Variants in FUT9 observed in about 807,000 individuals in gnomAD.
The protein encoded by FUT9 is 4-galactosyl-N-acetylglucosaminide 3-alpha-L-fucosyltransferase 9.
In FUT9, 15 loss-of-function variants were observed where a neutral mutation model predicts 29.7. The ratio of observed to expected loss-of-function variants is 0.51; its 90% CI spans 0.34 to 0.78. The LOEUF (loss-of-function observed/expected upper bound fraction) is 0.78. Ranked by LOEUF, FUT9 falls within the 30% of genes least tolerant of loss-of-function variation. The pLI is 0.01. For missense variants in FUT9, 319 were observed against 425.4 expected (o/e 0.75, Z 2.20); for synonymous variants, 169 against 153.7 (o/e 1.10, Z -0.74).
intron 1 of FUT9, among the ~76,000 whole-genome samples, chr6:96,094,764 A>G (rs960101288): frequency 2.0e-5 from 3 of 152,298 alleles, no homozygotes; most frequent in South Asian, 2.1e-4. Context: ...TCCAGGCTAG[A>G]GGGAACTACA....
At chr6:96,022,767 A>C (rs1770096506) in intron 1 of FUT9, among the ~76,000 whole-genome samples, 2 of 151,918 alleles carry the variant, frequency 1.3e-5, no homozygotes, top group South Asian at 4.1e-4. Context: ...AAAATGAAAT[A>C]GTATGCCAGA....
At position 96,045,930 on chromosome 6, in the gene FUT9, T is replaced by A. The variant is rs148860164; in HGVS notation, c.-98+29718T>A. Among the ~76,000 whole-genome samples, 458 of 152,326 alleles carry A rather than the reference T, an allele frequency of 3.0e-3. 1 individual carries two copies. Among genetic ancestry groups the A allele is most frequent in the African/African-American group, 0.01 (428 of 41,574 alleles). ...GAACCTCAAAGAGGCCACCCAGGTA[T>A]AAAATGCACCATGAGGTAGGGTATA... On this transcript the variant is annotated intron_variant, in intron 1 of 2. Transcript: ENST00000302103.
At chr6:96,183,755 G>T (rs908766636) in intron 2 of FUT9, among the ~76,000 whole-genome samples, 1 of 151,974 alleles carries the variant, frequency 6.6e-6, no homozygotes, top group African/African-American at 2.4e-5. Flanking sequence ...TTATTAACTT[G>T]CATATGTTAA....
At chr6:96,135,802 T>C (rs551215667) in intron 2 of FUT9, among the ~76,000 whole-genome samples, 149 of 151,938 alleles carry the variant, frequency 9.8e-4, no homozygotes, top group African/African-American at 3.4e-3. Context: ...TAGATCTTAT[T>C]ACATGTTCTT....
intron 1 of FUT9, among the ~76,000 whole-genome samples, chr6:96,066,713 CT>C (rs79773521): frequency 0.12 from 18,076 of 152,050 alleles, 1,276 homozygotes; most frequent in Admixed American, 0.23. Flanking sequence ...ACATAAAAAT[CT>C]TTGTATAACT....
chr6:96,116,309 T>A (rs1004170942), intron 2 of FUT9, among the ~76,000 whole-genome samples: 2 of 152,206 alleles, frequency 1.3e-5, no homozygotes, highest in Non-Finnish European at 2.9e-5. Flanking sequence ...CCACAGAGAC[T>A]GTCATTCATT....
At chr6:96,071,668 C>G (rs569070461) in intron 1 of FUT9, among the ~76,000 whole-genome samples, 1 of 152,164 alleles carries the variant, frequency 6.6e-6, no homozygotes, top group Non-Finnish European at 1.5e-5. Flanking sequence ...AACAAAGGAG[C>G]AAGACTCACG....
At chr6:96,165,154 G>A (rs536456712) in intron 2 of FUT9, among the ~76,000 whole-genome samples, 77 of 152,218 alleles carry the variant, frequency 5.1e-4, no homozygotes, top group African/African-American at 1.8e-3. Context: ...CTCACAGGCT[G>A]GGAGTGGTGG....
intron 2 of FUT9, among the ~76,000 whole-genome samples, chr6:96,171,930 G>A (rs7450606): frequency 0.91 from 138,510 of 152,204 alleles, 64,359 homozygotes; most frequent in Non-Finnish European, 1. Flanking sequence ...CTACTGTTTT[G>A]CAATTCTTAT....
chr6:96,118,219 A>C (rs866722456), intron 2 of FUT9, among the ~76,000 whole-genome samples: 1 of 151,150 alleles, frequency 6.6e-6, no homozygotes, highest in Non-Finnish European at 1.5e-5. Context: ...AAAAAAAAAA[A>C]AAAAGTCCTA....
intron 1 of FUT9, among the ~76,000 whole-genome samples, chr6:96,080,490 C>G (rs1771216628): frequency 6.6e-6 from 1 of 151,936 alleles, no homozygotes; most frequent in African/African-American, 2.4e-5. Context: ...TGTATGTATA[C>G]TCTGCCTATT....
intron 1 of FUT9, among the ~76,000 whole-genome samples, chr6:96,030,378 A>G (rs779618438): frequency 4.1e-4 from 62 of 151,622 alleles, no homozygotes; most frequent in Admixed American, 2.4e-3. Context: ...ACTGGTAATT[A>G]CTAAGAAAAT....
rs759646228 is a variant in FUT9, at chr6:96,205,269, T to G, written c.*1034T>G. The G allele has an allele frequency of 2.5e-4, 41 of 166,970 alleles. No individual in the cohort carries two copies. The highest frequency in any genetic ancestry group is 2.3e-4 in the Non-Finnish European group (16 of 68,094). 10.3% of individuals were successfully genotyped at this position (166,970 alleles called of 1,614,324 possible). ...CCTAAATAAAATTATCATCAAGGTATTAAATATAAGACGTTAAATATAATA... is the reference window on the plus strand; with the variant it reads ...CCTAAATAAAATTATCATCAAGGTAGTAAATATAAGACGTTAAATATAATA... On this transcript the variant is annotated 3_prime_UTR_variant, in exon 3 of 3. Coordinates refer to ENST00000302103, the MANE Select transcript of FUT9 (RefSeq NM_006581.4).
At chr6:96,137,959 G>A (rs558741183) in intron 2 of FUT9, among the ~76,000 whole-genome samples, 1 of 151,520 alleles carries the variant, frequency 6.6e-6, no homozygotes, top group South Asian at 2.1e-4. Context: ...GTCTAAGAGG[G>A]CATATGGAAC....
chr6:96,133,492 A>G (rs1348581007), intron 2 of FUT9, among the ~76,000 whole-genome samples: 1 of 151,898 alleles, frequency 6.6e-6, no homozygotes, highest in Non-Finnish European at 1.5e-5. Flanking sequence ...TTGGGTTCAG[A>G]CCTCAGCTCT....
intron 1 of FUT9, among the ~76,000 whole-genome samples, chr6:96,100,263 A>AT (rs1771567019): frequency 7.1e-6 from 1 of 140,868 alleles, no homozygotes; most frequent in African/African-American, 2.6e-5. Context: ...ACACACACAC[A>AT]CACACACACA....
In FUT9 at chr6:96,164,537, C is replaced by T. The variant is rs562539979; in HGVS notation, c.-8-38611C>T. ...CCTCCCAAAGTGCTAGGATTACAGG[C>T]GTGAGCCACATTATTCCAGGTAGCA... On this transcript the variant is annotated intron_variant, in intron 2 of 2. Coordinates refer to ENST00000302103, the MANE Select transcript of FUT9 (RefSeq NM_006581.4). 2.4e-4 allele frequency among the ~76,000 whole-genome samples: 37 copies of T among 152,168 alleles called. No individual in the cohort carries two copies. In the South Asian group the frequency reaches 4.0e-3, roughly 16 times the overall value.
chr6:96,048,297 CAGACAT>C (rs1439621939), intron 1 of FUT9, among the ~76,000 whole-genome samples: 1 of 152,152 alleles, frequency 6.6e-6, no homozygotes, highest in Non-Finnish European at 1.5e-5. Context: ...GATTCCCACC[CAGACAT>C]CTTCTGGGGG....
intron 1 of FUT9, among the ~76,000 whole-genome samples, chr6:96,106,213 C>CACTTCCTTCCTTCCTTCCTTCCTT (rs1771681349): frequency 7.3e-6 from 1 of 137,142 alleles, no homozygotes; most frequent in African/African-American, 2.6e-5. Flanking sequence ...AATCCATCAA[C>CACTTCCTTCCTTCCTTCCTTCCTT]CCTTCCTTCC....
Sources: allele counts gnomAD v4.1 joint callset (sites outside exome capture counted in the v4.1 genomes callset), GRCh38; gene constraint gnomAD v4.1.1; transcripts MANE v1.5; gene names NCBI Gene and HGNC (gene_info 2026-07-23, HGNC 2026-07-21).